Variants in UNC13B observed in about 807,000 individuals in gnomAD.
UNC13B encodes unc-13 homolog B, also known as protein unc-13 homolog B.
Under a neutral mutation model 211.0 loss-of-function variants are expected in UNC13B, and 144 were observed. The observed-to-expected ratio is 0.68, with a 90% CI of 0.60 to 0.78. The LOEUF is 0.78. Among genes scored for constraint, UNC13B ranks in the 30% least tolerant of loss-of-function variants. UNC13B has a pLI of 0.00. For missense variants in UNC13B, 1,777 were observed against 2,002.0 expected, an observed-to-expected ratio of 0.89 and a Z score of 2.14; for synonymous variants, 709 against 725.8, an observed-to-expected ratio of 0.98 and a Z score of 0.37.
chr9:35,380,433 G>A (rs368216641), intron 17 of UNC13B, 37 bp from the exon 18 acceptor site: 42 of 1,605,440 alleles, frequency 2.6e-5, no homozygotes, highest in Non-Finnish European at 3.4e-5. Context: ...GCGCTACTGG[G>A]TCTGCCCCTA....
intron 18 of UNC13B, among the ~76,000 whole-genome samples, 190 bp downstream of exon 18, chr9:35,380,829 G>A (rs1025833139): frequency 6.6e-6 from 1 of 152,154 alleles, no homozygotes; most frequent in Non-Finnish European, 1.5e-5. Flanking sequence ...AGTCACTCTG[G>A]CTGAATGTTC....
Position 35,381,585 on chromosome 9 carries a change from G to T in UNC13B, c.10521G>T (p.Gln3507His). Reference sequence around the variant, plus strand: ...TTTTCCATTACCTCACAGACATTCAGGGCAGTGGAGGAGTCCGCATCCCTG... The same window carrying T: ...TTTTCCATTACCTCACAGACATTCATGGCAGTGGAGGAGTCCGCATCCCTG... ...ENLFHYLTDI[Q>H]GSGGVRIPEA... The change falls in exon 20 of 40, where the codon CAG becomes CAT. Residue 3507 changes from glutamine (Q) to histidine (H), a missense_variant. Coordinates refer to ENST00000635942, the MANE Select transcript of UNC13B (RefSeq NM_001371189.2). 1.2e-6 allele frequency: 2 copies of T among 1,614,162 alleles called. No individual in the cohort carries two copies. The highest frequency in any genetic ancestry group is 1.7e-6 in the Non-Finnish European group (2 of 1,180,000).
chr9:35,172,767 C>CT (rs1037479564), intron 1 of UNC13B, among the ~76,000 whole-genome samples: 48 of 149,004 alleles, frequency 3.2e-4, no homozygotes, highest in African/African-American at 5.4e-4. Flanking sequence ...ATCATGAAAT[C>CT]TTTTTTTTTT....
intron 21 of UNC13B, among the ~76,000 whole-genome samples, chr9:35,382,902 G>C (rs955215519): frequency 1.3e-5 from 2 of 152,112 alleles, no homozygotes; most frequent in African/African-American, 2.4e-5. Context: ...AGAGTTACTT[G>C]ATGTGCTTAA....
chr9:35,381,536 C>T lies in UNC13B; in HGVS notation c.10492-20C>T. On this transcript the variant is annotated intron_variant, in intron 19 of 39. Coordinates refer to ENST00000635942, the MANE Select transcript of UNC13B (RefSeq NM_001371189.2). ...CATATGTGTTTAACCCATTCCCTTTCTCTGCTCTGTCTCCTGCAGAATCTT... is the reference window on the plus strand; with the variant it reads ...CATATGTGTTTAACCCATTCCCTTTTTCTGCTCTGTCTCCTGCAGAATCTT... 1.2e-6 allele frequency: 2 copies of T among 1,606,204 alleles called. No individual in the cohort carries two copies. Among genetic ancestry groups the T allele is most frequent in the Non-Finnish European group, 8.5e-7 (1 of 1,174,868 alleles).
chr9:35,252,644 G>A (rs1206885241), intron 6 of UNC13B, among the ~76,000 whole-genome samples: 1 of 150,820 alleles, frequency 6.6e-6, no homozygotes, highest in African/African-American at 2.4e-5. Context: ...GCATTTATTA[G>A]CTATGATTTG....
intron 11 of UNC13B, among the ~76,000 whole-genome samples, chr9:35,332,237 A>G (rs1166128866): frequency 6.6e-6 from 1 of 152,210 alleles, no homozygotes; most frequent in Non-Finnish European, 1.5e-5. Flanking sequence ...GGCTTGAGCC[A>G]CTGCACCCAG....
At chr9:35,203,718 C>A (rs540005876) in intron 1 of UNC13B, among the ~76,000 whole-genome samples, 1 of 152,320 alleles carries the variant, frequency 6.6e-6, no homozygotes, top group African/African-American at 2.4e-5. Flanking sequence ...TAACAGCCTG[C>A]ATTCATATGC....
rs374323000 is a variant in UNC13B, at chr9:35,333,760, G to T, written c.9414+19771G>T. 6.6e-5 allele frequency among the ~76,000 whole-genome samples: 10 copies of T among 152,196 alleles called. 2 individuals are homozygous for T. The South Asian group carries it at 2.1e-3, about 32-fold the overall frequency. Reference sequence around the variant, plus strand: ...TCAAATTCTTGTACATTTTATCTGTGTCCCTTATGATACATATTAGTCACT... The same window carrying T: ...TCAAATTCTTGTACATTTTATCTGTTTCCCTTATGATACATATTAGTCACT... On this transcript the variant is annotated intron_variant, in intron 11 of 39. Coordinates refer to ENST00000635942, the MANE Select transcript of UNC13B (RefSeq NM_001371189.2).
chr9:35,307,249 G>C lies in UNC13B; in HGVS notation c.7845G>C (p.Ser2615=), dbSNP rs1397800972. 4 of 398,774 alleles carry C rather than the reference G, an allele frequency of 1.0e-5. No individual in the cohort carries two copies. Among genetic ancestry groups the C allele is most frequent in the Non-Finnish European group, 1.8e-5 (4 of 226,064 alleles). The allele number at this position is 398,774 out of a possible 1,614,324, so 24.7% of individuals were successfully genotyped here. ...AAACAATTAATACATCTTCTTTCTCGGGTGATGATACTGGGCAAGGAGTAT... is the reference window on the plus strand; with the variant it reads ...AAACAATTAATACATCTTCTTTCTCCGGTGATGATACTGGGCAAGGAGTAT... ...RSETINTSSF[S]GDDTGQGVLS... is the part of the protein sequence containing the mutation. Residue 2615 remains serine, a synonymous_variant, in exon 9 of 40, where the codon TCG becomes TCC. Transcript: ENST00000635942.
At chr9:35,224,533 G>A (rs1015671516) in intron 1 of UNC13B, among the ~76,000 whole-genome samples, 2 of 152,248 alleles carry the variant, frequency 1.3e-5, no homozygotes, top group African/African-American at 4.8e-5. Context: ...AACAAACAGT[G>A]GAGTCTTTAG....
intron 6 of UNC13B, among the ~76,000 whole-genome samples, chr9:35,248,980 G>A (rs540676479): frequency 1.3e-5 from 2 of 152,276 alleles, no homozygotes; most frequent in African/African-American, 4.8e-5. Context: ...TTATTATTGT[G>A]TAGGAGTCTA....
chr9:35,306,936 T>C lies in UNC13B; in HGVS notation c.7532T>C (p.Phe2511Ser), dbSNP rs1341130954. The change falls in exon 9 of 40, where the codon TTT becomes TCT. Residue 2511 changes from phenylalanine to serine, a missense_variant. Phe to Ser is a radical substitution (Grantham distance 155, BLOSUM62 -2). Coordinates refer to ENST00000635942, the MANE Select transcript of UNC13B (RefSeq NM_001371189.2). ...VSSQPLKGEL[F>S]GIFKSPKPEP... Reference sequence around the variant, plus strand: ...TCTCAGCCCCTCAAAGGTGAATTATTTGGAATTTTCAAAAGTCCCAAGCCA... The same window carrying C: ...TCTCAGCCCCTCAAAGGTGAATTATCTGGAATTTTCAAAAGTCCCAAGCCA... 2.5e-6 allele frequency: 1 copy of C among 398,894 alleles called. No individual in the cohort carries two copies. Among genetic ancestry groups the C allele is most frequent in the Admixed American group, 4.4e-5 (1 of 22,700 alleles). 24.7% of individuals were successfully genotyped at this position (398,894 alleles called of 1,614,324 possible).
chr9:35,315,097 G>A (rs1587603021), intron 11 of UNC13B, among the ~76,000 whole-genome samples: 1 of 120,140 alleles, frequency 8.3e-6, no homozygotes, highest in South Asian at 2.6e-4. Context: ...TTGCTGTATT[G>A]CCCAGGCTGG....
In UNC13B at chr9:35,306,677, G is replaced by A. The variant is rs757161803; in HGVS notation, c.7273G>A (p.Ala2425Thr). 1.0e-5 allele frequency: 4 copies of A among 398,940 alleles called. No individual in the cohort carries two copies. The highest frequency in any genetic ancestry group is 1.3e-5 in the Non-Finnish European group (3 of 226,096). The allele number at this position is 398,940 out of a possible 1,614,324, so 24.7% of individuals were successfully genotyped here. Residue 2425 changes from alanine to threonine, a missense_variant, in exon 9 of 40, where the codon GCC becomes ACC. Physicochemically the swap from Ala to Thr is moderately conservative, Grantham distance 58. Transcript: ENST00000635942. ...GGTCTTACCACAGATCCTAGAGCCA[G>A]CCTCTTCCTCTCCAGAGCCAGGGTG... ...DEVLPQILEP[A>T]SSSPEPGCAG...
intron 1 of UNC13B, among the ~76,000 whole-genome samples, chr9:35,190,522 T>G (rs1822595229): frequency 6.6e-6 from 1 of 152,128 alleles, no homozygotes; most frequent in African/African-American, 2.4e-5. Flanking sequence ...TTCCTGGGGT[T>G]TCATGAGGAA....
intron 1 of UNC13B, among the ~76,000 whole-genome samples, chr9:35,183,609 C>G (rs1822122843): frequency 2.0e-5 from 3 of 149,488 alleles, no homozygotes; most frequent in African/African-American, 4.9e-5. Context: ...CTCCTCACCT[C>G]CCAGACGGGG....
chr9:35,347,179 C>A (rs1196292930), intron 11 of UNC13B, among the ~76,000 whole-genome samples: 3 of 152,170 alleles, frequency 2.0e-5, no homozygotes, highest in Non-Finnish European at 4.4e-5. Context: ...TGATTACAGG[C>A]GTGAGCCCAG....
At position 35,303,121 on chromosome 9, in the gene UNC13B, T is replaced by C. The variant is rs1829765999; in HGVS notation, c.3717T>C (p.His1239=). Residue 1239 remains histidine (H), a synonymous_variant, in exon 9 of 40, where the codon CAT becomes CAC. Transcript: ENST00000635942. ...TGACTTCTGAGAACCCGAAGAACCA[T>C]GTTGAAAAACATGAAACTTCTAGCT... The part of the protein sequence containing the change: ...SCVTSENPKN[H]VEKHETSSFI... The C allele has an allele frequency of 1.0e-5, 4 of 398,578 alleles. No individual in the cohort carries two copies. Among genetic ancestry groups the C allele is most frequent in the Non-Finnish European group, 1.8e-5 (4 of 225,798 alleles). 24.7% of individuals were successfully genotyped at this position (398,578 alleles called of 1,614,324 possible).
Sources: allele counts gnomAD v4.1 joint callset (sites outside exome capture counted in the v4.1 genomes callset), GRCh38; gene constraint gnomAD v4.1.1; transcripts MANE v1.5; gene names NCBI Gene and HGNC (gene_info 2026-07-23, HGNC 2026-07-21).